NPAS3: variants seen among roughly 807,000 people sequenced by gnomAD.
NPAS3 encodes the protein neuronal PAS domain protein 3.
A neutral mutation model predicts 73.1 loss-of-function variants in NPAS3; 14 were observed. The observed-to-expected ratio is 0.19, with a 90% CI of 0.13 to 0.30. The LOEUF (loss-of-function observed/expected upper bound fraction) is 0.30. Among genes scored for constraint, NPAS3 ranks in the 10% least tolerant of loss-of-function variants. The pLI is 1.00. For missense variants in NPAS3, 1,096 were observed against 1,250.0 expected, an observed-to-expected ratio of 0.88 and a Z score of 1.86; for synonymous variants, 620 against 541.5, an observed-to-expected ratio of 1.14 and a Z score of -2.01.
intron 2 of NPAS3, among the ~76,000 whole-genome samples, chr14:33,105,376 AACT>A (rs1312686732): frequency 6.6e-6 from 1 of 152,164 alleles, no homozygotes; most frequent in African/African-American, 2.4e-5. Context: ...ATGGAGCAAG[AACT>A]ACTATGATGG....
chr14:33,219,494 T>G (rs2047343999), intron 3 of NPAS3, among the ~76,000 whole-genome samples: 1 of 152,322 alleles, frequency 6.6e-6, no homozygotes, highest in South Asian at 2.1e-4. Flanking sequence ...ATTCTTAGTC[T>G]TTGGAAAGGA....
At position 33,215,578 on chromosome 14, in the gene NPAS3, C is replaced by G. The variant is rs2047192830; in HGVS notation, c.385+152C>G. 3 of 880,476 alleles carry G rather than the reference C, an allele frequency of 3.4e-6. No individual in the cohort carries two copies. In the East Asian group the frequency reaches 7.4e-5, roughly 22 times the overall value. 54.5% of individuals were successfully genotyped at this position (880,476 alleles called of 1,614,324 possible). A position where few individuals can be genotyped will look rare whatever the true frequency, so the allele number is the denominator to read the frequency against. ...ATCTGAACTCTGCATGAGAAAGACACCATGTGAAGGTGAAATAAACCTCTT... is the reference window on the plus strand; with the variant it reads ...ATCTGAACTCTGCATGAGAAAGACAGCATGTGAAGGTGAAATAAACCTCTT... On this transcript the variant is annotated intron_variant, in intron 3 of 11. Coordinates refer to ENST00000356141, the Ensembl canonical transcript of NPAS3.
chr14:33,237,046 CTT>C (rs1047520713), intron 3 of NPAS3, among the ~76,000 whole-genome samples: 6 of 152,152 alleles, frequency 3.9e-5, no homozygotes, highest in African/African-American at 1.4e-4. Flanking sequence ...TTAGGAAAAA[CTT>C]AATATATTAT....
chr14:32,935,605 A>G (rs142824317), upstream of NPAS3, among the ~76,000 whole-genome samples: 44 of 152,358 alleles, frequency 2.9e-4, no homozygotes, highest in Admixed American at 9.8e-4. Flanking sequence ...TCAGGGATAC[A>G]AGTTAGGAAG....
chr14:33,226,183 T>C (rs2047625361), intron 3 of NPAS3, among the ~76,000 whole-genome samples: 2 of 152,224 alleles, frequency 1.3e-5, no homozygotes, highest in South Asian at 4.1e-4. Context: ...TGATCCAGAC[T>C]AAGGCTATTC....
At chr14:33,314,558 T>C (rs541729501) in intron 3 of NPAS3, among the ~76,000 whole-genome samples, 8 of 152,174 alleles carry the variant, frequency 5.3e-5, no homozygotes, top group African/African-American at 1.9e-4. Context: ...CTCTTTTCAG[T>C]TGGCCTCTGA....
At chr14:33,632,376 A>G (rs900079817) in intron 5 of NPAS3, among the ~76,000 whole-genome samples, 1 of 152,190 alleles carries the variant, frequency 6.6e-6, no homozygotes, top group African/African-American at 2.4e-5. Flanking sequence ...TGGTCTTCAG[A>G]CTATAATTTT....
At chr14:33,390,793 A>G (rs779026228) in intron 4 of NPAS3, among the ~76,000 whole-genome samples, 1 of 152,174 alleles carries the variant, frequency 6.6e-6, no homozygotes, top group Non-Finnish European at 1.5e-5. Context: ...TCTAGAATCT[A>G]TAGTTATATT....
intron 7 of NPAS3, among the ~76,000 whole-genome samples, chr14:33,757,194 G>A (rs1386986143): frequency 6.6e-6 from 1 of 152,192 alleles, no homozygotes; most frequent in Non-Finnish European, 1.5e-5. Context: ...TTCATGATGA[G>A]CTAAGTGGTC....
intron 5 of NPAS3, among the ~76,000 whole-genome samples, chr14:33,616,962 A>C (rs1459689266): frequency 6.6e-6 from 1 of 152,202 alleles, no homozygotes; most frequent in Non-Finnish European, 1.5e-5. Flanking sequence ...CCAACATACC[A>C]GCTGTGCCAG....
At chr14:33,290,014 A>G (rs2042036818) in intron 3 of NPAS3, among the ~76,000 whole-genome samples, 1 of 152,148 alleles carries the variant, frequency 6.6e-6, no homozygotes, top group African/African-American at 2.4e-5. Flanking sequence ...AGGTGGAGTT[A>G]GAAGCCTTTT....
At chr14:33,350,630 A>G (rs910014168) in intron 3 of NPAS3, among the ~76,000 whole-genome samples, 3 of 152,234 alleles carry the variant, frequency 2.0e-5, no homozygotes, top group Admixed American at 6.5e-5. Flanking sequence ...TTCATGTTAC[A>G]ACTACTAGCG....
At chr14:33,689,635 C>A (rs911986704) in intron 6 of NPAS3, among the ~76,000 whole-genome samples, 3 of 152,184 alleles carry the variant, frequency 2.0e-5, no homozygotes, top group Non-Finnish European at 4.4e-5. Context: ...TACACACATA[C>A]ACCCTACATG....
intron 2 of NPAS3, among the ~76,000 whole-genome samples, chr14:33,142,673 G>C (rs955859204): frequency 6.6e-6 from 1 of 152,096 alleles, no homozygotes; most frequent in Non-Finnish European, 1.5e-5. Context: ...ATATCTATTT[G>C]ATCTTTTTAT....
At chr14:33,202,557 T>C (rs79674689) in intron 2 of NPAS3, among the ~76,000 whole-genome samples, 4 of 151,922 alleles carry the variant, frequency 2.6e-5, no homozygotes, top group Admixed American at 6.6e-5. Context: ...GGACTGAGCC[T>C]TTTTTTTAAA....
chr14:33,658,566 T>A lies in NPAS3; in HGVS notation c.559-17645T>A, dbSNP rs568378394. On this transcript the variant is annotated intron_variant, in intron 5 of 11. Transcript: ENST00000356141. ...CAAAACCAAATAAAACACACCAGTA[T>A]AGAGCTGCTCTAGTTGGAAAGTGAG... 4.4e-4 allele frequency among the ~76,000 whole-genome samples: 67 copies of A among 152,274 alleles called. 1 individual carries two copies. The highest frequency in any genetic ancestry group is 3.4e-3 in the Middle Eastern group (1 of 294).
intron 6 of NPAS3, among the ~76,000 whole-genome samples, chr14:33,692,439 A>G (rs892198408): frequency 6.6e-6 from 1 of 152,130 alleles, no homozygotes; most frequent in Non-Finnish European, 1.5e-5. Context: ...CTGCAACTTT[A>G]TATCACTTCC....
At chr14:33,353,943 G>T (rs981513778) in intron 3 of NPAS3, among the ~76,000 whole-genome samples, 5 of 152,124 alleles carry the variant, frequency 3.3e-5, no homozygotes, top group Admixed American at 3.3e-4. Flanking sequence ...ACATCTGGAA[G>T]AGCTGGAGGC....
intron 1 of NPAS3, among the ~76,000 whole-genome samples, chr14:32,990,546 T>A (rs1237377001): frequency 2.0e-5 from 3 of 152,196 alleles, no homozygotes; most frequent in Non-Finnish European, 2.9e-5. Flanking sequence ...AATGGAAGGC[T>A]ACCAGTGGGC....
Sources: gnomAD v4.1 joint callset for allele counts (sites outside exome capture counted in the v4.1 genomes callset) on GRCh38, gnomAD v4.1.1 for gene constraint, MANE v1.5 for transcripts, NCBI Gene and HGNC (gene_info 2026-07-23, HGNC 2026-07-21) for gene names.